The following MBNL1 variants were observed in gnomAD, a reference collection of about 807,000 sequenced individuals.
The protein encoded by MBNL1 is muscleblind-like protein 1.
MBNL1 carries 8 observed loss-of-function variants against 42.2 expected under a neutral mutation model. The ratio of observed to expected loss-of-function variants is 0.19; its 90% CI spans 0.11 to 0.34. The LOEUF (loss-of-function observed/expected upper bound fraction) is 0.34, where lower values mean the gene tolerates loss of function less well. Among genes scored for constraint, MBNL1 ranks in the 10% least tolerant of loss-of-function variants. The pLI is 1.00. For missense variants in MBNL1, 309 were observed against 495.3 expected (o/e 0.62, Z 3.57); for synonymous variants, 169 against 173.9 (o/e 0.97, Z 0.22).
At chr3:152,401,184 T>C (rs911435820) in intron 2 of MBNL1, among the ~76,000 whole-genome samples, 6 of 152,174 alleles carry the variant, frequency 3.9e-5, no homozygotes, top group African/African-American at 9.7e-5. Context: ...TCTACAAACA[T>C]TTATTTGAAA....
chr3:152,390,538 T>G (rs891609105), intron 2 of MBNL1, among the ~76,000 whole-genome samples: 5 of 151,660 alleles, frequency 3.3e-5, no homozygotes, highest in African/African-American at 4.9e-5. Context: ...TGATAAGTAG[T>G]ATAGTAAATA....
chr3:152,444,062 T>C (rs990846450), intron 4 of MBNL1, among the ~76,000 whole-genome samples: 1 of 152,228 alleles, frequency 6.6e-6, no homozygotes, highest in African/African-American at 2.4e-5. Context: ...TCCTAAGTCG[T>C]AGTAGGGTTA....
chr3:152,442,326 T>A (rs2099155518), intron 4 of MBNL1, among the ~76,000 whole-genome samples: 1 of 152,204 alleles, frequency 6.6e-6, no homozygotes, highest in African/African-American at 2.4e-5. Flanking sequence ...CTGGAAATTA[T>A]TTAGCAAAAT....
intron 2 of MBNL1, among the ~76,000 whole-genome samples, chr3:152,261,403 C>T (rs2149502436): frequency 6.6e-6 from 1 of 152,268 alleles, no homozygotes; most frequent in South Asian, 2.1e-4. Flanking sequence ...AAAGGAAGGA[C>T]ATGGGGTTGG....
intron 2 of MBNL1, among the ~76,000 whole-genome samples, chr3:152,249,327 G>T (rs1291679157): frequency 1.4e-5 from 2 of 141,208 alleles, no homozygotes; most frequent in Admixed American, 1.4e-4. Context: ...GTGTGAGATG[G>T]TATCTCATTG....
intron 2 of MBNL1, among the ~76,000 whole-genome samples, chr3:152,362,907 A>G (rs1423089279): frequency 3.3e-5 from 5 of 152,198 alleles, no homozygotes; most frequent in Non-Finnish European, 5.9e-5. Context: ...CTAAGTACTC[A>G]AAGTTGGGGA....
At chr3:152,459,407 G>A (rs112083706) in intron 9 of MBNL1, 62 bp downstream of exon 9, 1 of 891,812 alleles carries the variant, frequency 1.1e-6, no homozygotes, top group South Asian at 2.2e-5. Context: ...GATAGCAATT[G>A]TATAGTGCAC....
At chr3:152,416,619 A>G (rs1356765312) in intron 3 of MBNL1, among the ~76,000 whole-genome samples, 2 of 152,180 alleles carry the variant, frequency 1.3e-5, no homozygotes, top group East Asian at 3.8e-4. Context: ...AAGCATGCTT[A>G]CCACCAGGCT....
At chr3:152,404,823 C>G (rs1394158587) in intron 2 of MBNL1, among the ~76,000 whole-genome samples, 2 of 150,202 alleles carry the variant, frequency 1.3e-5, no homozygotes, top group Non-Finnish European at 3.0e-5. Context: ...TGTGTTATAT[C>G]CAAATTGAAG....
intron 2 of MBNL1, among the ~76,000 whole-genome samples, chr3:152,355,087 T>G (rs2153042154): frequency 6.6e-6 from 1 of 152,198 alleles, no homozygotes; most frequent in South Asian, 2.1e-4. Flanking sequence ...GCTCAATACA[T>G]TGAGTGAAGG....
At chr3:152,399,518 A>AT (rs879464935) in intron 2 of MBNL1, among the ~76,000 whole-genome samples, 4,151 of 147,060 alleles carry the variant, frequency 0.028, 175 homozygotes, top group African/African-American at 0.095. Flanking sequence ...TTAATTAATT[A>AT]TTTTTTTTTT....
intron 4 of MBNL1, among the ~76,000 whole-genome samples, chr3:152,434,277 C>T (rs1580396640): frequency 6.6e-6 from 1 of 152,180 alleles, no homozygotes; most frequent in Non-Finnish European, 1.5e-5. Context: ...TCATTTAGCC[C>T]CCACTTACAA....
chr3:152,314,968 G>T (rs2069744728), intron 2 of MBNL1, among the ~76,000 whole-genome samples: 1 of 152,188 alleles, frequency 6.6e-6, no homozygotes, highest in African/African-American at 2.4e-5. Flanking sequence ...TCTTGTTAAG[G>T]TTATTGATTA....
At chr3:152,300,986 A>G in intron 2 of MBNL1, 1 of 884,388 alleles carries the variant, frequency 1.1e-6, no homozygotes, top group Non-Finnish European at 1.4e-6. Flanking sequence ...GAGTTATATA[A>G]ATAAGTAGAA....
intron 2 of MBNL1, chr3:152,396,138 G>T (rs1410604858): frequency 6.0e-6 from 2 of 333,568 alleles, no homozygotes; most frequent in African/African-American, 2.2e-5. Context: ...AATGCCTGAT[G>T]ATCAGTCACT....
intron 3 of MBNL1, among the ~76,000 whole-genome samples, chr3:152,424,519 A>G (rs1008378943): frequency 5.3e-5 from 8 of 151,252 alleles, no homozygotes; most frequent in African/African-American, 1.9e-4. Context: ...TATAGATTCA[A>G]TGGTATTCCC....
At chr3:152,422,334 A>G (rs768684173) in intron 3 of MBNL1, among the ~76,000 whole-genome samples, 3 of 151,862 alleles carry the variant, frequency 2.0e-5, no homozygotes, top group Non-Finnish European at 4.4e-5. Flanking sequence ...TAAACCAACC[A>G]TGATCAAAAA....
intron 2 of MBNL1, among the ~76,000 whole-genome samples, chr3:152,412,307 C>T (rs2098599810): frequency 6.6e-6 from 1 of 152,124 alleles, no homozygotes; most frequent in African/African-American, 2.4e-5. Flanking sequence ...GAAAATTTAT[C>T]TGGCTTTGCA....
At chr3:152,369,660 G>A (rs2096576179) in intron 2 of MBNL1, among the ~76,000 whole-genome samples, 1 of 151,990 alleles carries the variant, frequency 6.6e-6, no homozygotes, top group Middle Eastern at 3.2e-3. Context: ...TTGGTTGATA[G>A]GCTCTTAATT....
Sources: allele counts gnomAD v4.1 joint callset (sites outside exome capture counted in the v4.1 genomes callset), GRCh38; gene constraint gnomAD v4.1.1; transcripts MANE v1.5; gene names NCBI Gene and HGNC (gene_info 2026-07-23, HGNC 2026-07-21).